The following CADPS2 variants were observed in gnomAD, a reference collection of about 807,000 sequenced individuals.
The protein encoded by CADPS2 is calcium-dependent secretion activator 2.
In CADPS2, 93 loss-of-function variants were observed where a neutral mutation model predicts 172.5. That is an observed-to-expected ratio of 0.54 (90% CI 0.46 to 0.64). CADPS2 has a LOEUF of 0.64. Ranked by LOEUF, CADPS2 falls within the 30% of genes least tolerant of loss-of-function variation. The probability of loss-of-function intolerance (pLI) is 0.00; values close to 1 mark genes in which losing one functional copy is unlikely to be tolerated. For synonymous variants in CADPS2, 546 were observed against 555.2 expected, an observed-to-expected ratio of 0.98 and a Z score of 0.23; for missense variants, 1,420 against 1,565.9, an observed-to-expected ratio of 0.91 and a Z score of 1.57.
intron 27 of CADPS2, among the ~76,000 whole-genome samples, chr7:122,350,008 C>T (rs2038296816): frequency 6.6e-6 from 1 of 152,148 alleles, no homozygotes; most frequent in African/African-American, 2.4e-5. Context: ...TATACTATTC[C>T]AGCCTCAAAG....
chr7:122,786,921 A>G, intron 1 of CADPS2, among the ~76,000 whole-genome samples: 1 of 152,236 alleles, frequency 6.6e-6, no homozygotes, highest in East Asian at 1.9e-4. Context: ...ACCAGGTTCC[A>G]TGAGAACAGG....
intron 6 of CADPS2, among the ~76,000 whole-genome samples, chr7:122,604,592 A>C (rs1352423284): frequency 6.6e-6 from 1 of 152,156 alleles, no homozygotes; most frequent in African/African-American, 2.4e-5. Flanking sequence ...TTTAGAGTTC[A>C]GGACTTAGTT....
intron 6 of CADPS2, among the ~76,000 whole-genome samples, chr7:122,612,887 T>A (rs1587833925): frequency 6.6e-6 from 1 of 152,094 alleles, no homozygotes; most frequent in Non-Finnish European, 1.5e-5. Flanking sequence ...AGAAACAAAT[T>A]CATGTATCTA....
Position 122,645,516 on chromosome 7 carries a change from A to ATATATATAAGTATATATATATATACT in CADPS2, c.787-16189_787-16188insAGTATATATATATATACTTATATATA, listed in dbSNP as rs1563950574. Among the ~76,000 whole-genome samples the ATATATATAAGTATATATATATATACT allele has an allele frequency of 3.2e-3, 95 of 29,358 alleles. 3 individuals are homozygous for ATATATATAAGTATATATATATATACT. The highest frequency in any genetic ancestry group is 0.024 in the East Asian group (9 of 376). 19.3% of individuals were successfully genotyped at this position (29,358 alleles called of 152,430 possible). A position where few individuals can be genotyped will look rare whatever the true frequency, so the allele number is the denominator to read the frequency against. ...TATATATATAAGTATATATATACTT[A>ATATATATAAGTATATATATATATACT]TATATATATAAGTATATATATATAC... On this transcript the variant is annotated intron_variant, in intron 3 of 29. Transcript: ENST00000449022.
chr7:122,454,376 G>A (rs1038317744), intron 14 of CADPS2, among the ~76,000 whole-genome samples: 1 of 152,102 alleles, frequency 6.6e-6, no homozygotes, highest in African/African-American at 2.4e-5. Context: ...GCCTGGACTT[G>A]AACCTAGGTC....
chr7:122,500,064 C>A (rs971614440), intron 9 of CADPS2, among the ~76,000 whole-genome samples: 2 of 152,154 alleles, frequency 1.3e-5, no homozygotes, highest in African/African-American at 4.8e-5. Context: ...GACGGACCAT[C>A]CAGCAAGACT....
chr7:122,386,384 A>G, intron 24 of CADPS2: 2 of 934,796 alleles, frequency 2.1e-6, no homozygotes, highest in South Asian at 5.2e-5. Context: ...ATGAAGAAAA[A>G]GTAATTACAA....
Position 122,319,991 on chromosome 7 carries a change from C to A in CADPS2, c.*174G>T, listed in dbSNP as rs757377909. The A allele has an allele frequency of 7.3e-5, 42 of 574,128 alleles. No individual in the cohort carries two copies. The highest frequency in any genetic ancestry group is 3.5e-4 in the East Asian group (10 of 28,888). 35.6% of individuals were successfully genotyped at this position (574,128 alleles called of 1,614,324 possible). ...CAAACAAAAAAAGGAAACAAAAAAA[C>A]CCCAAAATCTTGGCATTTCCCCTTT... is the stretch of plus-strand genomic sequence containing the variant. On this transcript the variant is annotated 3_prime_UTR_variant, in exon 30 of 30. Coordinates refer to ENST00000449022, the MANE Select transcript of CADPS2 (RefSeq NM_017954.11).
At chr7:122,335,020 C>T (rs956002998) in intron 28 of CADPS2, among the ~76,000 whole-genome samples, 3 of 152,114 alleles carry the variant, frequency 2.0e-5, no homozygotes, top group Non-Finnish European at 2.9e-5. Context: ...TCTATTCTCA[C>T]TAGATTCCTA....
chr7:122,344,801 C>G (rs921733618), intron 28 of CADPS2, among the ~76,000 whole-genome samples: 1 of 152,060 alleles, frequency 6.6e-6, no homozygotes, highest in Non-Finnish European at 1.5e-5. Flanking sequence ...TATAACTAAC[C>G]TCAGGTTTTT....
chr7:122,664,202 T>C (rs1372939607), intron 2 of CADPS2, among the ~76,000 whole-genome samples: 2 of 151,986 alleles, frequency 1.3e-5, no homozygotes, highest in African/African-American at 4.8e-5. Context: ...GACTTGAAGA[T>C]CAACAGTAGG....
intron 3 of CADPS2, among the ~76,000 whole-genome samples, chr7:122,645,961 C>T (rs1178927033): frequency 6.6e-6 from 1 of 151,570 alleles, no homozygotes; most frequent in Non-Finnish European, 1.5e-5. Flanking sequence ...ACTAACTATA[C>T]TTATCTCAAT....
intron 14 of CADPS2, among the ~76,000 whole-genome samples, chr7:122,456,245 T>A (rs2053760015): frequency 6.6e-6 from 1 of 152,016 alleles, no homozygotes; most frequent in Non-Finnish European, 1.5e-5. Flanking sequence ...TGCTTTGACA[T>A]TGATAAAGAT....
intron 1 of CADPS2, among the ~76,000 whole-genome samples, chr7:122,781,300 C>T (rs1484980873): frequency 6.6e-6 from 1 of 152,130 alleles, no homozygotes; most frequent in African/African-American, 2.4e-5. Flanking sequence ...TTGCCATCTA[C>T]ATTACATATA....
intron 29 of CADPS2, among the ~76,000 whole-genome samples, chr7:122,321,723 G>A (rs1214810345): frequency 2.0e-5 from 3 of 151,410 alleles, no homozygotes; most frequent in Non-Finnish European, 4.4e-5. Flanking sequence ...CAGGTGATCC[G>A]CCCACCCCAG....
chr7:122,804,378 TTTTA>T (rs1798338213), intron 1 of CADPS2, among the ~76,000 whole-genome samples: 1 of 152,224 alleles, frequency 6.6e-6, no homozygotes, highest in South Asian at 2.1e-4. Flanking sequence ...ATTTAGGTTA[TTTTA>T]TTTTTCTTTC....
intron 1 of CADPS2, among the ~76,000 whole-genome samples, chr7:122,873,433 T>C (rs1585076143): frequency 6.6e-6 from 1 of 152,184 alleles, no homozygotes; most frequent in South Asian, 2.1e-4. Flanking sequence ...TGGTTTTCTA[T>C]TCCTGTGTTA....
intron 3 of CADPS2, among the ~76,000 whole-genome samples, chr7:122,660,295 T>C (rs762495837): frequency 7.9e-5 from 12 of 152,150 alleles, no homozygotes; most frequent in Non-Finnish European, 1.8e-4. Context: ...CCTTATAGTA[T>C]AGTGTTATCT....
intron 1 of CADPS2, among the ~76,000 whole-genome samples, chr7:122,766,303 G>C (rs902276124): frequency 6.6e-6 from 1 of 152,042 alleles, no homozygotes; most frequent in Admixed American, 6.6e-5. Context: ...GTTTTGGAGA[G>C]GACAAATCAC....
Sources: gnomAD v4.1 joint callset for allele counts (sites outside exome capture counted in the v4.1 genomes callset) on GRCh38, gnomAD v4.1.1 for gene constraint, MANE v1.5 for transcripts, NCBI Gene and HGNC (gene_info 2026-07-23, HGNC 2026-07-21) for gene names.